WNK1: variants seen among roughly 807,000 people sequenced by gnomAD.
WNK1 encodes WNK lysine deficient protein kinase 1, also known as serine/threonine-protein kinase WNK1.
In WNK1, 38 loss-of-function variants were observed where a neutral mutation model predicts 222.8. The ratio of observed to expected loss-of-function variants is 0.17; its 90% confidence interval spans 0.13 to 0.22. WNK1 has a LOEUF of 0.22. WNK1 is among the 10% of genes least tolerant of loss of function. WNK1 has a pLI of 1.00. For synonymous variants in WNK1, 1,090 were observed against 1,092.9 expected (o/e 1.00, Z 0.05); for missense variants, 2,348 against 2,918.4 (o/e 0.80, Z 4.50).
intron 1 of WNK1, among the ~76,000 whole-genome samples, chr12:763,636 A>G (rs1185471808): frequency 2.0e-5 from 3 of 147,406 alleles, no homozygotes; most frequent in African/African-American, 7.3e-5. Flanking sequence ...GGAATTTTCC[A>G]TTTAATATTT....
At chr12:781,190 T>C (rs11064526) in intron 1 of WNK1, 23,235 of 155,756 alleles carry the variant, frequency 0.15, 1,948 homozygotes, top group Middle Eastern at 0.21. Context: ...AGGGCAGTAC[T>C]GCTAACGCCT....
intron 1 of WNK1, among the ~76,000 whole-genome samples, chr12:806,154 T>G (rs1946350884): frequency 1.3e-5 from 2 of 152,204 alleles, no homozygotes; most frequent in African/African-American, 4.8e-5. Flanking sequence ...TGTCGAGCCC[T>G]CAGAATAATT....
chr12:760,761 T>G (rs183597097), intron 1 of WNK1, among the ~76,000 whole-genome samples: 7 of 141,142 alleles, frequency 5.0e-5, no homozygotes, highest in Admixed American at 4.9e-4. Flanking sequence ...TTATATGTAG[T>G]TTTTTTTTTA....
At chr12:907,177 T>C (rs1446890492) in intron 26 of WNK1, among the ~76,000 whole-genome samples, 2 of 151,910 alleles carry the variant, frequency 1.3e-5, no homozygotes, top group East Asian at 1.9e-4. Context: ...AAAAATTAAC[T>C]GGGCATGGTG....
chr12:798,539 G>A (rs141601780), intron 1 of WNK1, among the ~76,000 whole-genome samples: 1 of 152,182 alleles, frequency 6.6e-6, no homozygotes, highest in Non-Finnish European at 1.5e-5. Context: ...AGTATATCGA[G>A]TCTTCTGCCT....
chr12:812,065 C>T (rs562874159), intron 1 of WNK1, among the ~76,000 whole-genome samples: 2 of 152,104 alleles, frequency 1.3e-5, no homozygotes, highest in South Asian at 2.1e-4. Context: ...CAAAGAAGTC[C>T]CCCGTTTTTT....
intron 4 of WNK1, among the ~76,000 whole-genome samples, chr12:840,187 G>C (rs1949514777): frequency 6.6e-6 from 1 of 151,880 alleles, no homozygotes; most frequent in Non-Finnish European, 1.5e-5. Flanking sequence ...GAGTGCAGTG[G>C]TACAATCATA....
chr12:759,804 T>C (rs1940764371), intron 1 of WNK1, among the ~76,000 whole-genome samples: 1 of 147,968 alleles, frequency 6.8e-6, no homozygotes, highest in Non-Finnish European at 1.5e-5. Flanking sequence ...AGTTTTGTGC[T>C]ACAGTTTCCT....
At chr12:887,056 G>A (rs1196398330) in intron 19 of WNK1, among the ~76,000 whole-genome samples, 165 bp from the exon 20 acceptor site, 4 of 152,056 alleles carry the variant, frequency 2.6e-5, no homozygotes, top group Non-Finnish European at 5.9e-5. Context: ...TTGTCACACC[G>A]TTTTTTTAAG....
Position 889,406 on chromosome 12 carries a change from T to G in WNK1, c.5448+183T>G, listed in dbSNP as rs12304405. On this transcript the variant is annotated intron_variant, in intron 21 of 27. Coordinates refer to ENST00000315939, the MANE Select transcript of WNK1 (RefSeq NM_018979.4). ...TCATGCTGACTCAGGAGTATCACTA[T>G]GGAAAAGATTTTATTTGAAAGGTGC... Among the ~76,000 whole-genome samples the G allele has an allele frequency of 3.6e-3, 541 of 152,338 alleles. No individual in the cohort carries two copies. The highest frequency in any genetic ancestry group is 0.013 in the African/African-American group (523 of 41,578).
chr12:885,880 C>T lies in WNK1; in HGVS notation c.5076C>T (p.Ile1692=), dbSNP rs1386856165. Residue 1692 remains isoleucine, a synonymous_variant, in exon 19 of 28, where the codon ATC becomes ATT. Transcript: ENST00000315939. ...LVIESTVTPG[I]PTTAVAPSKL... Reference sequence around the variant, plus strand: ...TAGAGAGCACTGTCACACCAGGCATCCCAACTACTGCTGTTGCACCAAGCA... The same window carrying T: ...TAGAGAGCACTGTCACACCAGGCATTCCAACTACTGCTGTTGCACCAAGCA... 6.2e-7 allele frequency: 1 copy of T among 1,612,936 alleles called. No homozygotes were observed. Among genetic ancestry groups the T allele is most frequent in the African/African-American group, 1.3e-5 (1 of 74,838 alleles).
Position 861,024 on chromosome 12 carries a change from G to T in WNK1, c.1632G>T (p.Gly544=). 1 of 1,613,420 alleles carries T rather than the reference G, an allele frequency of 6.2e-7. No individual in the cohort carries two copies. Among genetic ancestry groups the T allele is most frequent in the South Asian group, 1.1e-5 (1 of 91,062 alleles). ...CTTTTATTCTGTAGGTAGAGTCTGG[G>T]TATGTCTGTGAAGGTGATCACAAGA... ...EDVAQEMVES[G]YVCEGDHKTM... The change falls in exon 7 of 28, where the codon GGG becomes GGT. Residue 544 remains glycine, a synonymous_variant. Coordinates refer to ENST00000315939, the MANE Select transcript of WNK1 (RefSeq NM_018979.4).
At position 880,834 on chromosome 12, in the gene WNK1, A is replaced by C. The variant is rs1953087552; in HGVS notation, c.2946A>C (p.Thr982=). 1 of 1,614,098 alleles carries C rather than the reference A, an allele frequency of 6.2e-7. No individual in the cohort carries two copies. The highest frequency in any genetic ancestry group is 1.1e-5 in the South Asian group (1 of 91,074). Residue 982 remains threonine, a synonymous_variant, in exon 12 of 28, where the codon ACA becomes ACC. Transcript: ENST00000315939. ...HSTVLSPPMP[T]EVLATPGYFP... Reference sequence around the variant, plus strand: ...CAGTCCTATCCCCTCCCATGCCGACAGAAGTACTGGCTACACCTGGGTACT... The same window carrying C: ...CAGTCCTATCCCCTCCCATGCCGACCGAAGTACTGGCTACACCTGGGTACT...
rs74056058 is a variant in WNK1 at position 879,658 on chromosome 12, C to G, written c.2459C>G (p.Ser820Cys). ...ATQPSVVPVH[S>C]GAHFLPVGQP... ...CAACCCTCGGTTGTTCCAGTCCACT[C>G]TGGTGCTCATTTCCTTCCAGTGGGA... The change falls in exon 11 of 28, where the codon TCT becomes TGT. Residue 820 changes from serine (S) to cysteine (C), a missense_variant. Physicochemically the swap from Ser to Cys is moderately radical, Grantham distance 112. Around this residue, in one of 13 missense-constraint regions of WNK1, gnomAD observed 547 missense variants for 558.3 expected, o/e 0.98. Transcript: ENST00000315939. 223 of 1,613,700 alleles carry G rather than the reference C, an allele frequency of 1.4e-4. No individual in the cohort carries two copies. In the African/African-American group the frequency reaches 2.6e-3, roughly 19 times the overall value.
At chr12:782,976 T>C (rs1432427964) in intron 1 of WNK1, among the ~76,000 whole-genome samples, 1 of 151,864 alleles carries the variant, frequency 6.6e-6, no homozygotes, top group Admixed American at 6.6e-5. Flanking sequence ...CGATTATGGC[T>C]CACTGCAGCT....
chr12:824,706 A>G (rs966005986), intron 2 of WNK1, among the ~76,000 whole-genome samples: 1 of 152,130 alleles, frequency 6.6e-6, no homozygotes, highest in African/African-American at 2.4e-5. Flanking sequence ...TCATAGTAGG[A>G]TAAGATACCC....
intron 26 of WNK1, among the ~76,000 whole-genome samples, chr12:904,260 A>C (rs1955514932): frequency 6.6e-6 from 1 of 152,236 alleles, no homozygotes; most frequent in Non-Finnish European, 1.5e-5. Context: ...CCCATCAGAT[A>C]ATCATGTTAA....
At chr12:776,169 G>T (rs1365919052) in intron 1 of WNK1, among the ~76,000 whole-genome samples, 1 of 151,974 alleles carries the variant, frequency 6.6e-6, no homozygotes, top group East Asian at 1.9e-4. Context: ...GAGTAGCTGG[G>T]ACTACAGGCA....
chr12:771,963 GCTTA>G lies in WNK1; in HGVS notation c.759+17643_759+17646del, dbSNP rs1942557893. On this transcript the variant is annotated intron_variant, in intron 1 of 27. Coordinates refer to ENST00000315939, the MANE Select transcript of WNK1 (RefSeq NM_018979.4). The stretch of plus-strand genomic sequence containing the variant: ...CCCTCTTAATTTAAGGACTGCAGAA[GCTTA>G]CTTTTTTTTTTTGCATAAGGGCCTT... Among the ~76,000 whole-genome samples, 4 of 151,782 alleles carry G rather than the reference GCTTA, an allele frequency of 2.6e-5. No individual in the cohort carries two copies. The South Asian group carries it at 8.3e-4, about 31-fold the overall frequency.
Sources: allele counts gnomAD v4.1 joint callset (sites outside exome capture counted in the v4.1 genomes callset), GRCh38; gene constraint gnomAD v4.1.1; regional missense constraint gnomAD v4.1.1; transcripts MANE v1.5; gene names NCBI Gene and HGNC (gene_info 2026-07-23, HGNC 2026-07-21).